The following SAFB variants were observed in gnomAD, a reference collection of about 807,000 sequenced individuals.
The protein encoded by SAFB is scaffold attachment factor B1.
Under a neutral mutation model 101.6 loss-of-function variants are expected in SAFB, and 15 were observed. The observed-to-expected ratio is 0.15, with a 90% CI of 0.10 to 0.23. SAFB has a LOEUF of 0.23. SAFB is among the 10% of genes least tolerant of loss of function. The pLI is 1.00. For synonymous variants in SAFB, 449 were observed against 407.5 expected (o/e 1.10, Z -1.23); for missense variants, 930 against 1,104.1 (o/e 0.84, Z 2.23).
At chr19:5,663,062 G>A (rs1207087196) in intron 15 of SAFB, among the ~76,000 whole-genome samples, 1 of 152,052 alleles carries the variant, frequency 6.6e-6, no homozygotes, top group Non-Finnish European at 1.5e-5. Flanking sequence ...GAGTGCAATG[G>A]CGTGATCTCA....
chr19:5,626,572 C>G (rs978572384), intron 2 of SAFB, 83 bp downstream of exon 2: 2 of 828,352 alleles, frequency 2.4e-6, no homozygotes, highest in Non-Finnish European at 4.0e-6. Context: ...GTTTACTTGT[C>G]TGTGTGTTGG....
Position 5,661,644 on chromosome 19 carries a change from C to T in SAFB, c.1989C>T (p.Arg663=), listed in dbSNP as rs756583515. ...AGCGCCAGCGGCTGGAGCGGGAGCGCATGGAGCGGGAACGGCTGGAGCGCG... is the reference window on the plus strand; with the variant it reads ...AGCGCCAGCGGCTGGAGCGGGAGCGTATGGAGCGGGAACGGCTGGAGCGCG... ...AFQRQRLERE[R]MERERLERER... The change falls in exon 15 of 21, where the codon CGC becomes CGT. Residue 663 remains arginine, a synonymous_variant. Transcript: ENST00000588852. The T allele has an allele frequency of 1.2e-6, 2 of 1,612,208 alleles. No individual in the cohort carries two copies. The highest frequency in any genetic ancestry group is 2.7e-5 in the African/African-American group (2 of 74,920).
At chr19:5,646,913 C>G (rs1478785112) in intron 5 of SAFB, among the ~76,000 whole-genome samples, 5 of 152,352 alleles carry the variant, frequency 3.3e-5, no homozygotes, top group Middle Eastern at 3.4e-3. Context: ...TGCTTCCCAC[C>G]TGCTGTGTGT....
intron 7 of SAFB, 150 bp downstream of exon 7, chr19:5,649,649 GT>G: frequency 3.3e-6 from 2 of 602,928 alleles, no homozygotes; most frequent in Non-Finnish European, 6.0e-6. Flanking sequence ...CTCTTTGTGT[GT>G]TTTTAATGGG....
chr19:5,664,978 A>T (rs2054296213), intron 17 of SAFB: 2 of 155,382 alleles, frequency 1.3e-5, no homozygotes, highest in African/African-American at 4.8e-5. Flanking sequence ...TTACATTGAG[A>T]CTGAGACTTC....
In SAFB at chr19:5,649,262, G is replaced by C; in HGVS notation, c.911G>C (p.Gly304Ala). 1 of 354,612 alleles carries C rather than the reference G, an allele frequency of 2.8e-6. No individual in the cohort carries two copies. Among genetic ancestry groups the C allele is most frequent in the South Asian group, 2.4e-5 (1 of 41,876 alleles). 22.0% of individuals were successfully genotyped at this position (354,612 alleles called of 1,614,324 possible). The change falls in exon 7 of 21, where the codon GGC (glycine) becomes GCC (alanine). Residue 304 changes from glycine to alanine, a missense_variant. Transcript: ENST00000588852. ...KREPAEQPGD[G>A]ERTDCEPVGL... is the part of the protein sequence containing the mutation. ...GAGCCCGCGGAGCAGCCAGGCGATG[G>C]CGAGAGGACGGACTGTGAGCCTGTA...
Position 5,661,549 on chromosome 19 carries a change from C to G in SAFB, c.1894C>G (p.Arg632Gly). ...GCGTGAACGCAGTGAACGCGAACAA[C>G]GCATGCAGGCGCAGTGGGAGCGCGA... ...RVRERSEREQRMQAQWEREER... is the reference protein window; with the variant it reads ...RVRERSEREQGMQAQWEREER... Residue 632 changes from arginine (R) to glycine (G), a missense_variant, in exon 15 of 21, where the codon CGC (arginine) becomes GGC (glycine). Physicochemically the swap from Arg to Gly is moderately radical, Grantham distance 125. This residue lies in a region of SAFB where 159 missense variants were observed against 234.1 expected (regional missense o/e 0.68). Transcript: ENST00000588852. 6.2e-7 allele frequency: 1 copy of G among 1,613,020 alleles called. No individual in the cohort carries two copies. The highest frequency in any genetic ancestry group is 8.5e-7 in the Non-Finnish European group (1 of 1,179,894).
At position 5,627,636 on chromosome 19, in the gene SAFB, C is replaced by T. The variant is rs373635704; in HGVS notation, c.274+1147C>T. On this transcript the variant is annotated intron_variant, in intron 2 of 20. Coordinates refer to ENST00000588852, the MANE Select transcript of SAFB (RefSeq NM_001201338.2). The stretch of plus-strand genomic sequence containing the variant: ...TACCGAAATCTCTCTTGCCCATCCC[C>T]CACACCCTGTGCTTTAGTCAGGCCC... 8.3e-4 allele frequency among the ~76,000 whole-genome samples: 127 copies of T among 152,298 alleles called. 1 individual carries two copies. The highest frequency in any genetic ancestry group is 3.0e-3 in the African/African-American group (125 of 41,546).
chr19:5,668,299 G>GAATC lies in SAFB; in HGVS notation c.*9_*12dup. On this transcript the variant is annotated 3_prime_UTR_variant, in exon 21 of 21. Coordinates refer to ENST00000588852, the MANE Select transcript of SAFB (RefSeq NM_001201338.2). Reference sequence around the variant, plus strand: ...TTCACTCGCCGCTACTGAGTACTTGGAATCCTGTGTCCTGTCTCGTGGCAA... The same window carrying GAATC: ...TTCACTCGCCGCTACTGAGTACTTGGAATCAATCCTGTGTCCTGTCTCGTGGCAA... The GAATC allele has an allele frequency of 6.2e-7, 1 of 1,610,490 alleles. No individual in the cohort carries two copies. Among genetic ancestry groups the GAATC allele is most frequent in the Non-Finnish European group, 8.5e-7 (1 of 1,179,278 alleles).
At chr19:5,658,709 G>A (rs1599375913) in intron 14 of SAFB, among the ~76,000 whole-genome samples, 2 of 152,096 alleles carry the variant, frequency 1.3e-5, no homozygotes, top group African/African-American at 4.8e-5. Flanking sequence ...TGGGCGTGGT[G>A]GCGGGCGCCT....
intron 13 of SAFB, among the ~76,000 whole-genome samples, 177 bp downstream of exon 13, chr19:5,654,633 G>A (rs1390723361): frequency 6.6e-6 from 1 of 152,200 alleles, no homozygotes; most frequent in African/African-American, 2.4e-5. Context: ...GCCCAGACTA[G>A]AGTGCAGTGG....
chr19:5,668,303 C>T lies in SAFB; in HGVS notation c.*12C>T, dbSNP rs779137246. The T allele has an allele frequency of 1.2e-6, 2 of 1,609,050 alleles. No individual in the cohort carries two copies. Among genetic ancestry groups the T allele is most frequent in the South Asian group, 2.2e-5 (2 of 90,600 alleles). On this transcript the variant is annotated 3_prime_UTR_variant, in exon 21 of 21. Coordinates refer to ENST00000588852, the MANE Select transcript of SAFB (RefSeq NM_001201338.2). The stretch of plus-strand genomic sequence containing the variant: ...CTCGCCGCTACTGAGTACTTGGAAT[C>T]CTGTGTCCTGTCTCGTGGCAACAAG...
chr19:5,662,707 C>T (rs1200375060), intron 15 of SAFB, among the ~76,000 whole-genome samples: 25 of 149,398 alleles, frequency 1.7e-4, no homozygotes, highest in African/African-American at 4.9e-4. Flanking sequence ...ATGGCGCGAT[C>T]GCTGCTCACT....
chr19:5,626,743 C>G (rs1164110192), intron 2 of SAFB, among the ~76,000 whole-genome samples: 1 of 152,130 alleles, frequency 6.6e-6, no homozygotes, highest in East Asian at 1.9e-4. Flanking sequence ...GTCAGCGGTC[C>G]TTAAATAAGG....
In SAFB at chr19:5,667,217, C is replaced by A; in HGVS notation, c.2453+53C>A. 4 of 1,245,468 alleles carry A rather than the reference C, an allele frequency of 3.2e-6. No homozygotes were observed. Among genetic ancestry groups the A allele is most frequent in the Non-Finnish European group, 3.4e-6 (3 of 889,792 alleles). 77.2% of individuals were successfully genotyped at this position (1,245,468 alleles called of 1,614,324 possible). ...GACCCCCCCCCCGCCCACAAGGGGG[C>A]CCGCAAGTCGCTGGGATGTGGGCAC... On this transcript the variant is annotated intron_variant, in intron 18 of 20. Transcript: ENST00000588852. This position sits in a 1 kb window ranked among gnomAD's most constrained non-coding sequence, Gnocchi z 4.0.
chr19:5,664,737 C>A, intron 17 of SAFB: 1 of 373,470 alleles, frequency 2.7e-6, no homozygotes, highest in Non-Finnish European at 5.1e-6. Flanking sequence ...TGTGACCTGG[C>A]TCTGCTGGGA....
At chr19:5,648,231 A>G (rs961756952) in intron 6 of SAFB, 188 bp downstream of exon 6, 7 of 574,332 alleles carry the variant, frequency 1.2e-5, no homozygotes, top group Non-Finnish European at 2.1e-5. Flanking sequence ...GATCTGTGAA[A>G]GTGGCTCACT....
chr19:5,644,682 A>G (rs1020288079), intron 4 of SAFB, among the ~76,000 whole-genome samples: 19 of 152,256 alleles, frequency 1.2e-4, no homozygotes, highest in African/African-American at 4.6e-4. Flanking sequence ...CTCAAATTTC[A>G]GGGCTTTAGA....
intron 2 of SAFB, among the ~76,000 whole-genome samples, chr19:5,629,361 G>C (rs964286974): frequency 6.6e-6 from 1 of 152,086 alleles, no homozygotes; most frequent in Non-Finnish European, 1.5e-5. Context: ...AGCCCAAGAG[G>C]TCAAGGCTGC....
Sources: gnomAD v4.1 joint callset for allele counts (sites outside exome capture counted in the v4.1 genomes callset) on GRCh38, gnomAD v4.1.1 for gene constraint, gnomAD v4.1.1 regional missense constraint, Gnocchi (gnomAD v3.1) non-coding constraint, MANE v1.5 for transcripts, NCBI Gene and HGNC (gene_info 2026-07-23, HGNC 2026-07-21) for gene names.